Variants in PCA3 observed in about 807,000 individuals in gnomAD.
PCA3 encodes prostate cancer associated 3, also known as Differential Display code 3.
intron 2 of PCA3, chr9:76,787,116 C>G (rs975125729): frequency 3.0e-4 from 45 of 152,146 alleles, no homozygotes; most frequent in Admixed American, 2.7e-3. Flanking sequence ...TCTGCCCTAT[C>G]AATTTTTTAA....
chr9:76,773,680 G>C (rs1474785674), intron 2 of PCA3, among the ~76,000 whole-genome samples: 1 of 152,110 alleles, frequency 6.6e-6, no homozygotes, highest in African/African-American at 2.4e-5. Flanking sequence ...CTGACCTCAG[G>C]TGATCCACCT....
chr9:76,780,234 A>G (rs1173266278), intron 2 of PCA3, among the ~76,000 whole-genome samples: 1 of 152,196 alleles, frequency 6.6e-6, no homozygotes, highest in African/African-American at 2.4e-5. Context: ...TTTGATTATC[A>G]GCCAGTAAAC....
At chr9:76,767,376 G>A (rs936290981) in intron 2 of PCA3, among the ~76,000 whole-genome samples, 8 of 151,988 alleles carry the variant, frequency 5.3e-5, no homozygotes, top group African/African-American at 7.2e-5. Flanking sequence ...GCTTGAACTC[G>A]GGAGGCAGAG....
chr9:76,771,334 C>T lies in PCA3; in HGVS notation n.852+34719C>T, dbSNP rs34521161. ...TGCTGATACAATAACAAAATGAAAA[C>T]GAATAAACTCAGAGTTACAGAGTCC... On this transcript the variant is annotated intron_variant and non_coding_transcript_variant, in intron 2 of 5. Transcript: ENST00000644657. Among the ~76,000 whole-genome samples the T allele has an allele frequency of 5.3e-3, 809 of 152,196 alleles. 5 individuals carry two copies. Among genetic ancestry groups the T allele is most frequent in the Non-Finnish European group, 9.2e-3 (628 of 68,002 alleles).
chr9:76,771,815 G>T (rs1219022911), intron 2 of PCA3, among the ~76,000 whole-genome samples: 1 of 152,026 alleles, frequency 6.6e-6, no homozygotes, highest in Non-Finnish European at 1.5e-5. Flanking sequence ...TCCGTGTACT[G>T]CCCACAAAAG....
At chr9:76,766,048 T>C (rs2052341617) in intron 2 of PCA3, among the ~76,000 whole-genome samples, 1 of 151,732 alleles carries the variant, frequency 6.6e-6, no homozygotes. Context: ...CCGCGCGTGG[T>C]GGCAGGCACC....
chr9:76,768,200 C>CTT (rs58313419), intron 2 of PCA3, among the ~76,000 whole-genome samples: 3 of 148,846 alleles, frequency 2.0e-5, no homozygotes, highest in South Asian at 2.1e-4. Flanking sequence ...AATGATTTTC[C>CTT]TTTTTTTTTT....
chr9:76,780,393 A>G (rs1180693807), intron 2 of PCA3, among the ~76,000 whole-genome samples: 2 of 152,158 alleles, frequency 1.3e-5, no homozygotes, highest in Non-Finnish European at 2.9e-5. Context: ...AGATTCATTT[A>G]AAACCAAGCA....
intron 2 of PCA3, among the ~76,000 whole-genome samples, chr9:76,783,487 G>A (rs1166176055): frequency 6.6e-6 from 1 of 152,178 alleles, no homozygotes; most frequent in Non-Finnish European, 1.5e-5. Flanking sequence ...AGAATGGTGT[G>A]TGTCAGGCAC....
intron 2 of PCA3, among the ~76,000 whole-genome samples, chr9:76,773,430 T>C (rs548105179): frequency 4.1e-5 from 6 of 147,016 alleles, no homozygotes; most frequent in Non-Finnish European, 7.5e-5. Context: ...ACATACACAC[T>C]AGTACATCTT....
At chr9:76,776,906 A>G (rs2053847156) in intron 2 of PCA3, among the ~76,000 whole-genome samples, 1 of 96,126 alleles carries the variant, frequency 1.0e-5, no homozygotes, top group African/African-American at 4.7e-5. Flanking sequence ...ACACACACAC[A>G]CACACACACA....
chr9:76,777,083 C>G (rs907817379), intron 2 of PCA3, among the ~76,000 whole-genome samples: 1 of 151,998 alleles, frequency 6.6e-6, no homozygotes. Context: ...TTCTCCCCTG[C>G]CCCATAGCCC....
intron 2 of PCA3, among the ~76,000 whole-genome samples, chr9:76,772,027 T>A (rs1034850642): frequency 1.3e-5 from 2 of 152,136 alleles, no homozygotes; most frequent in East Asian, 3.9e-4. Flanking sequence ...GAGAGCAGAG[T>A]ATGTGGCTCC....
At chr9:76,768,621 GTGTA>G (rs200202851) in intron 2 of PCA3, among the ~76,000 whole-genome samples, 6,136 of 146,794 alleles carry the variant, frequency 0.042, 133 homozygotes, top group East Asian at 0.085. Flanking sequence ...GTGTGTGTGT[GTGTA>G]TATCCCTGCT....
chr9:76,767,631 G>A (rs2052560871), intron 2 of PCA3, among the ~76,000 whole-genome samples: 1 of 151,968 alleles, frequency 6.6e-6, no homozygotes, highest in East Asian at 1.9e-4. Flanking sequence ...CTTCTTTGTT[G>A]ACTTCTCATC....
intron 2 of PCA3, among the ~76,000 whole-genome samples, chr9:76,773,150 A>C (rs7022141): frequency 6.6e-6 from 1 of 152,026 alleles, no homozygotes; most frequent in African/African-American, 2.4e-5. Context: ...CCCAAGTTAA[A>C]TTTACTTCAC....
chr9:76,768,200 C>CA (rs1554756814), intron 2 of PCA3, among the ~76,000 whole-genome samples: 1 of 148,744 alleles, frequency 6.7e-6, no homozygotes, highest in Admixed American at 6.7e-5. Context: ...AATGATTTTC[C>CA]TTTTTTTTTT....
chr9:76,767,783 G>C (rs2052580696), intron 2 of PCA3, among the ~76,000 whole-genome samples: 1 of 152,170 alleles, frequency 6.6e-6, no homozygotes, highest in Admixed American at 6.5e-5. Flanking sequence ...TAAAAACCCA[G>C]CTGGAGGGAG....
intron 2 of PCA3, among the ~76,000 whole-genome samples, chr9:76,777,675 T>TA (rs2053947891): frequency 6.6e-6 from 1 of 152,170 alleles, no homozygotes; most frequent in Non-Finnish European, 1.5e-5. Flanking sequence ...AATACATATA[T>TA]AAACAAGTAG....
Sources: gnomAD v4.1 joint callset for allele counts (sites outside exome capture counted in the v4.1 genomes callset) on GRCh38, gnomAD v4.1.1 for gene constraint, MANE v1.5 for transcripts, NCBI Gene and HGNC (gene_info 2026-07-23, HGNC 2026-07-21) for gene names.